DLG2: variants seen among roughly 807,000 people sequenced by gnomAD.
DLG2 encodes the protein discs large MAGUK scaffold protein 2.
Under a neutral mutation model 132.5 loss-of-function variants are expected in DLG2, and 45 were observed. The observed-to-expected ratio is 0.34, with a 90% CI of 0.27 to 0.44. The LOEUF (loss-of-function observed/expected upper bound fraction) is 0.44. DLG2 is among the 20% of genes least tolerant of loss of function. The pLI is 1.00. For synonymous variants in DLG2, 424 were observed against 419.6 expected (o/e 1.01, Z -0.13); for missense variants, 1,045 against 1,196.9 (o/e 0.87, Z 1.87).
chr11:84,749,423 C>T (rs1173874696), intron 6 of DLG2, among the ~76,000 whole-genome samples: 1 of 152,134 alleles, frequency 6.6e-6, no homozygotes, highest in Non-Finnish European at 1.5e-5. Flanking sequence ...ATAGTGGTCT[C>T]ATAAGATTAT....
At chr11:85,308,739 A>C (rs182538043) in intron 3 of DLG2, among the ~76,000 whole-genome samples, 154 of 152,250 alleles carry the variant, frequency 1.0e-3, no homozygotes, top group South Asian at 2.3e-3. Context: ...ACTCTAACTA[A>C]TATGCAAAAT....
At chr11:85,600,130 C>T (rs1406271485) in intron 2 of DLG2, among the ~76,000 whole-genome samples, 1 of 152,182 alleles carries the variant, frequency 6.6e-6, no homozygotes, top group Non-Finnish European at 1.5e-5. Context: ...ATAACATCTA[C>T]TGACTTACCT....
chr11:85,398,796 C>T (rs2087701649), intron 3 of DLG2, among the ~76,000 whole-genome samples: 1 of 152,024 alleles, frequency 6.6e-6, no homozygotes, highest in African/African-American at 2.4e-5. Flanking sequence ...AGCCTACTCA[C>T]CAAAAAAAGT....
chr11:84,525,630 T>C (rs372578524), intron 7 of DLG2, among the ~76,000 whole-genome samples: 1 of 152,208 alleles, frequency 6.6e-6, no homozygotes, highest in African/African-American at 2.4e-5. Flanking sequence ...CTGTACCACA[T>C]GACATGAATA....
intron 7 of DLG2, among the ~76,000 whole-genome samples, chr11:84,500,274 A>G (rs1272186505): frequency 6.6e-6 from 1 of 151,962 alleles, no homozygotes; most frequent in East Asian, 1.9e-4. Context: ...GGGATAAATG[A>G]CAGTTGTCAC....
At chr11:84,029,292 C>T (rs1343817675) in intron 11 of DLG2, among the ~76,000 whole-genome samples, 1 of 151,974 alleles carries the variant, frequency 6.6e-6, no homozygotes, top group Non-Finnish European at 1.5e-5. Context: ...GATTAATACC[C>T]TACTTCTATC....
intron 6 of DLG2, among the ~76,000 whole-genome samples, chr11:84,881,371 C>T (rs2087309759): frequency 6.6e-6 from 1 of 152,170 alleles, no homozygotes; most frequent in African/African-American, 2.4e-5. Context: ...CCTCCTCTCT[C>T]TCAGGCTGAA....
chr11:85,129,569 C>T (rs540830124), intron 5 of DLG2, among the ~76,000 whole-genome samples: 1 of 152,204 alleles, frequency 6.6e-6, no homozygotes, highest in African/African-American at 2.4e-5. Context: ...AGTCAGGAAA[C>T]AACAGAATGT....
At chr11:84,218,121 T>C (rs2096860598) in intron 8 of DLG2, among the ~76,000 whole-genome samples, 1 of 151,576 alleles carries the variant, frequency 6.6e-6, no homozygotes, top group South Asian at 2.1e-4. Flanking sequence ...TGAGCTGAGA[T>C]TGTGCCACTG....
chr11:83,969,384 C>T (rs1223125781), intron 12 of DLG2, among the ~76,000 whole-genome samples: 2 of 152,220 alleles, frequency 1.3e-5, no homozygotes, highest in East Asian at 3.9e-4. Flanking sequence ...ATATTTCCTG[C>T]TTAATCCAGT....
intron 19 of DLG2, among the ~76,000 whole-genome samples, chr11:83,547,056 T>C (rs2096260646): frequency 6.6e-6 from 1 of 152,064 alleles, no homozygotes; most frequent in Non-Finnish European, 1.5e-5. Context: ...ACACTCACAC[T>C]CTCCACTTGG....
chr11:84,103,994 G>A (rs2092723134), intron 9 of DLG2, among the ~76,000 whole-genome samples: 1 of 151,970 alleles, frequency 6.6e-6, no homozygotes. Flanking sequence ...AGAGAAACAT[G>A]AAAAGATTTG....
chr11:85,496,530 T>C (rs1050051305), intron 3 of DLG2, among the ~76,000 whole-genome samples: 2 of 152,172 alleles, frequency 1.3e-5, no homozygotes, highest in Admixed American at 1.3e-4. Flanking sequence ...TTCCCCATAC[T>C]TAAACGTCCC....
intron 3 of DLG2, among the ~76,000 whole-genome samples, chr11:85,501,711 A>T (rs1416168224): frequency 6.6e-6 from 1 of 151,684 alleles, no homozygotes; most frequent in Non-Finnish European, 1.5e-5. Flanking sequence ...AATCAAAACC[A>T]CAATTAGATA....
At chr11:85,369,632 C>T (rs922607996) in intron 3 of DLG2, among the ~76,000 whole-genome samples, 20 of 152,272 alleles carry the variant, frequency 1.3e-4, no homozygotes, top group African/African-American at 4.8e-4. Context: ...GTGCTCCAAG[C>T]CTCCATCTTG....
chr11:84,803,732 G>T (rs747351308), intron 6 of DLG2, among the ~76,000 whole-genome samples: 12 of 152,150 alleles, frequency 7.9e-5, no homozygotes, highest in Non-Finnish European at 1.6e-4. Context: ...TGACTATGTT[G>T]CACAGGTCTG....
chr11:83,691,524 C>T (rs1009062121), intron 18 of DLG2, among the ~76,000 whole-genome samples: 4 of 152,132 alleles, frequency 2.6e-5, no homozygotes, highest in South Asian at 2.1e-4. Context: ...ATGAAAAGGA[C>T]GTGTGATGGA....
At chr11:85,198,211 C>T (rs1276256943) in intron 4 of DLG2, among the ~76,000 whole-genome samples, 2 of 152,084 alleles carry the variant, frequency 1.3e-5, no homozygotes, top group Non-Finnish European at 1.5e-5. Flanking sequence ...TAAGAGATTT[C>T]GTTGTAGTTC....
chr11:84,940,012 T>C (rs936072722), intron 6 of DLG2, among the ~76,000 whole-genome samples: 2 of 152,208 alleles, frequency 1.3e-5, no homozygotes, highest in African/African-American at 4.8e-5. Flanking sequence ...CTTTTCTCCA[T>C]AGTGGCTGTA....
Sources: gnomAD v4.1 joint callset for allele counts (sites outside exome capture counted in the v4.1 genomes callset) on GRCh38, gnomAD v4.1.1 for gene constraint, MANE v1.5 for transcripts, NCBI Gene and HGNC (gene_info 2026-07-23, HGNC 2026-07-21) for gene names.